PPP6R3: variants seen among roughly 807,000 people sequenced by gnomAD.
The protein encoded by PPP6R3 is serine/threonine-protein phosphatase 6 regulatory subunit 3.
A neutral mutation model predicts 110.7 loss-of-function variants in PPP6R3; 38 were observed. The observed-to-expected ratio is 0.34, with a 90% CI of 0.26 to 0.45. PPP6R3 has a LOEUF of 0.45. Ranked by LOEUF, PPP6R3 falls within the 20% of genes least tolerant of loss-of-function variation. The probability of loss-of-function intolerance (pLI) is 1.00; values close to 1 mark genes in which losing one functional copy is unlikely to be tolerated. For synonymous variants in PPP6R3, 369 were observed against 373.5 expected (o/e 0.99, Z 0.14); for missense variants, 870 against 1,062.4 (o/e 0.82, Z 2.52).
At chr11:68,606,134 C>T (rs751109787) in intron 22 of PPP6R3, among the ~76,000 whole-genome samples, 1 of 152,148 alleles carries the variant, frequency 6.6e-6, no homozygotes, top group Non-Finnish European at 1.5e-5. Flanking sequence ...AAGGATGGCT[C>T]AAAGTCAGAG....
intron 13 of PPP6R3, among the ~76,000 whole-genome samples, chr11:68,574,824 T>G (rs1413214705): frequency 6.6e-6 from 1 of 152,220 alleles, no homozygotes; most frequent in African/African-American, 2.4e-5. Flanking sequence ...ATGAGAGAAC[T>G]GTGTACTCTG....
rs1431008744 is a variant in PPP6R3 at position 68,534,558 on chromosome 11, T to TTGTATCTTGATTCATAATTCAGA, written c.-6-3100_-6-3078dup. 7.7e-3 allele frequency among the ~76,000 whole-genome samples: 1,166 copies of TTGTATCTTGATTCATAATTCAGA among 152,262 alleles called. 18 individuals carry two copies. Among genetic ancestry groups the TTGTATCTTGATTCATAATTCAGA allele is most frequent in the African/African-American group, 0.027 (1,102 of 41,536 alleles). Reference sequence around the variant, plus strand: ...TCAGTTTTTACTTGAGGCAAAAAAGTTGTATCTTGATTCATAATTCAGAAG... The same window carrying TTGTATCTTGATTCATAATTCAGA: ...TCAGTTTTTACTTGAGGCAAAAAAGTTGTATCTTGATTCATAATTCAGATGTATCTTGATTCATAATTCAGAAG... On this transcript the variant is annotated intron_variant, in intron 2 of 23. Coordinates refer to ENST00000393800, the MANE Select transcript of PPP6R3 (RefSeq NM_001164161.2).
intron 22 of PPP6R3, among the ~76,000 whole-genome samples, chr11:68,606,715 T>C (rs7107622): frequency 0.27 from 41,202 of 152,022 alleles, 5,916 homozygotes; most frequent in Middle Eastern, 0.33. Context: ...CACTTTAAGA[T>C]GAAGCCTTAA....
chr11:68,600,984 A>G (rs569997743), intron 20 of PPP6R3, among the ~76,000 whole-genome samples: 4 of 152,338 alleles, frequency 2.6e-5, no homozygotes, highest in African/African-American at 7.2e-5. Flanking sequence ...AGGGCTCCCA[A>G]TCATTGGTAA....
rs770719736 is a variant in PPP6R3, at chr11:68,545,039, C to T, written c.414+15C>T. ...AACCAGAACAGGTAAATATGATTTT[C>T]CAAAAGGTAAGTATTAGGGCTGATC... On this transcript the variant is annotated intron_variant, in intron 4 of 23. Coordinates refer to ENST00000393800, the MANE Select transcript of PPP6R3 (RefSeq NM_001164161.2). 6.4e-7 allele frequency: 1 copy of T among 1,570,190 alleles called. No homozygotes were observed. Among genetic ancestry groups the T allele is most frequent in the Admixed American group, 1.7e-5 (1 of 59,562 alleles).
chr11:68,509,908 C>T (rs1442440171), intron 1 of PPP6R3, among the ~76,000 whole-genome samples: 4 of 151,330 alleles, frequency 2.6e-5, no homozygotes, highest in Non-Finnish European at 5.9e-5. Flanking sequence ...TGCCACCACA[C>T]TCGGCAAATT....
At chr11:68,585,642 A>G (rs1455529189) in intron 15 of PPP6R3, among the ~76,000 whole-genome samples, 1 of 152,220 alleles carries the variant, frequency 6.6e-6, no homozygotes, top group East Asian at 1.9e-4. Context: ...TTTATTAGTA[A>G]AAATGAGATT....
chr11:68,564,662 T>C (rs1012282617), intron 9 of PPP6R3, among the ~76,000 whole-genome samples: 1 of 152,224 alleles, frequency 6.6e-6, no homozygotes, highest in Admixed American at 6.5e-5. Context: ...TGTAAATTCT[T>C]GGGTACTTAC....
chr11:68,590,745 G>T, intron 17 of PPP6R3, 31 bp downstream of exon 17: 2 of 1,531,452 alleles, frequency 1.3e-6, no homozygotes, highest in South Asian at 2.5e-5. Context: ...GAGCAGTGTG[G>T]CACATGAGAG....
chr11:68,611,971 A>G (rs1378016749), intron 23 of PPP6R3, among the ~76,000 whole-genome samples: 1 of 152,202 alleles, frequency 6.6e-6, no homozygotes, highest in Non-Finnish European at 1.5e-5. Flanking sequence ...TGTTTTATCA[A>G]GCATGTCCTT....
At chr11:68,556,294 G>A (rs1158451548) in intron 7 of PPP6R3, among the ~76,000 whole-genome samples, 1 of 152,158 alleles carries the variant, frequency 6.6e-6, no homozygotes, top group East Asian at 1.9e-4. Flanking sequence ...CAGGTACCAA[G>A]AAATCTCAGA....
At chr11:68,595,200 A>ATTTTTTTTT (rs71043443) in intron 18 of PPP6R3, among the ~76,000 whole-genome samples, 14 of 81,176 alleles carry the variant, frequency 1.7e-4, no homozygotes, top group African/African-American at 5.1e-4. Flanking sequence ...CATAAAAATA[A>ATTTTTTTTT]TTTTTTTTTT....
intron 1 of PPP6R3, among the ~76,000 whole-genome samples, chr11:68,463,855 C>A (rs891213036): frequency 3.9e-5 from 6 of 152,292 alleles, no homozygotes; most frequent in East Asian, 1.9e-4. Context: ...AGTGTCTGGA[C>A]ATATTTTTGC....
At chr11:68,583,743 A>G (rs1388498825) in intron 15 of PPP6R3, among the ~76,000 whole-genome samples, 1 of 152,154 alleles carries the variant, frequency 6.6e-6, no homozygotes, top group Non-Finnish European at 1.5e-5. Flanking sequence ...AAATGATTTC[A>G]CTTCTCTACT....
chr11:68,511,780 C>CGTGTGTGT (rs143019841), intron 1 of PPP6R3, among the ~76,000 whole-genome samples: 142 of 126,606 alleles, frequency 1.1e-3, no homozygotes, highest in African/African-American at 3.6e-3. Flanking sequence ...TGCGCCCAGC[C>CGTGTGTGT]GTGTGTGTGT....
rs1283882931 is a variant in PPP6R3, at chr11:68,614,383, A to ACTT, written c.*1268_*1270dup. The ACTT allele has an allele frequency of 8.0e-7, 1 of 1,253,486 alleles. No individual in the cohort carries two copies. Among genetic ancestry groups the ACTT allele is most frequent in the African/African-American group, 1.6e-5 (1 of 63,346 alleles). The allele number at this position is 1,253,486 out of a possible 1,614,324, so 77.6% of individuals were successfully genotyped here. A position where few individuals can be genotyped will look rare whatever the true frequency, so the allele number is the denominator to read the frequency against. On this transcript the variant is annotated 3_prime_UTR_variant, in exon 24 of 24. Transcript: ENST00000393800. Reference sequence around the variant, plus strand: ...TATCGTCTGGTGAAAGGGTTAAATTACTTCACCTCTTGCACTTTTAGATGC... The same window carrying ACTT: ...TATCGTCTGGTGAAAGGGTTAAATTACTTCTTCACCTCTTGCACTTTTAGATGC...
chr11:68,466,244 C>A (rs1276584248), intron 1 of PPP6R3, among the ~76,000 whole-genome samples: 2 of 152,010 alleles, frequency 1.3e-5, no homozygotes, highest in Non-Finnish European at 2.9e-5. Flanking sequence ...TACTTCTCAC[C>A]CCCTTTAGTT....
rs553594548 is a variant in PPP6R3, at chr11:68,533,559, G to A, written c.-6-4100G>A. ...TCTCTACAGAAGTACAAAAAAATTA[G>A]CCAGGTGTGGTGGCACGGGTCTGTA... On this transcript the variant is annotated intron_variant, in intron 2 of 23. Transcript: ENST00000393800. 2.0e-5 allele frequency among the ~76,000 whole-genome samples: 3 copies of A among 151,936 alleles called. No individual in the cohort carries two copies. The East Asian group carries it at 5.8e-4, about 29-fold the overall frequency.
intron 19 of PPP6R3, among the ~76,000 whole-genome samples, chr11:68,598,964 C>G (rs1388010142): frequency 6.6e-6 from 1 of 152,204 alleles, no homozygotes; most frequent in African/African-American, 2.4e-5. Context: ...TAAATGCCTA[C>G]TCTGTGCAGG....
Sources: gnomAD v4.1 joint callset for allele counts (sites outside exome capture counted in the v4.1 genomes callset) on GRCh38, gnomAD v4.1.1 for gene constraint, MANE v1.5 for transcripts, NCBI Gene and HGNC (gene_info 2026-07-23, HGNC 2026-07-21) for gene names.